The following RSPH14 variants were observed in gnomAD, a reference collection of about 807,000 sequenced individuals.
The protein encoded by RSPH14 is rhabdoid tumor deletion region gene 1.
In RSPH14, 20 loss-of-function variants were observed where a neutral mutation model predicts 26.7. That is an observed-to-expected ratio of 0.75 (90% CI 0.53 to 1.09). The LOEUF is 1.09. Among genes scored for constraint, RSPH14 ranks in the 50% least tolerant of loss-of-function variants. The pLI is 0.00. For synonymous variants in RSPH14, 177 were observed against 189.3 expected, an observed-to-expected ratio of 0.93 and a Z score of 0.53; for missense variants, 449 against 457.2, an observed-to-expected ratio of 0.98 and a Z score of 0.16.
chr22:23,159,961 A>G, the RSPH14 span, among the ~76,000 whole-genome samples: 1 of 152,206 alleles, frequency 6.6e-6, no homozygotes. Context: ...AGGTGTATTT[A>G]CTGAGGAAAA....
At chr22:23,155,652 T>C in the RSPH14 span, among the ~76,000 whole-genome samples, 1 of 152,236 alleles carries the variant, frequency 6.6e-6, no homozygotes, top group Non-Finnish European at 1.5e-5. Context: ...GAGTCATGTC[T>C]TGGGCCGTAT....
chr22:23,098,545 C>A lies in RSPH14; in HGVS notation c.422-34412G>T, dbSNP rs73384372. Among the ~76,000 whole-genome samples, 800 of 152,348 alleles carry A rather than the reference C, an allele frequency of 5.3e-3. 9 individuals carry two copies. The highest frequency in any genetic ancestry group is 0.017 in the African/African-American group (716 of 41,592). On this transcript the variant is annotated intron_variant, in intron 4 of 6. Transcript: ENST00000216036. ...CCTGTGAGGTTCCAGGCATTCAAGG[C>A]ACTTTCTAAAGGGAGGGGCTGGCAG...
At chr22:23,159,099 T>A in the RSPH14 span, 477 of 1,589,530 alleles carry the variant, frequency 3.0e-4, 9 homozygotes, top group East Asian at 7.1e-3. Flanking sequence ...GGCAGCTGCC[T>A]ATCCCCCTGG....
the RSPH14 span, among the ~76,000 whole-genome samples, chr22:23,175,213 T>C: frequency 1.1e-4 from 17 of 152,262 alleles, no homozygotes; most frequent in Non-Finnish European, 1.9e-4. Context: ...TTAGCCAGAA[T>C]GGTCTCGATA....
intron 6 of RSPH14, among the ~76,000 whole-genome samples, chr22:23,060,538 A>G (rs965551114): frequency 6.6e-6 from 1 of 151,710 alleles, no homozygotes; most frequent in African/African-American, 2.4e-5. Flanking sequence ...CCTACTCTGC[A>G]CAAAACACAC....
chr22:23,064,397 CA>C (rs765124166), intron 4 of RSPH14, among the ~76,000 whole-genome samples: 138 of 152,294 alleles, frequency 9.1e-4, no homozygotes, highest in Admixed American at 1.8e-3. Context: ...GCCTGTGTCT[CA>C]GGGGGCATCT....
chr22:23,118,383 C>G (rs967776976), intron 4 of RSPH14, among the ~76,000 whole-genome samples: 1 of 152,256 alleles, frequency 6.6e-6, no homozygotes, highest in South Asian at 2.1e-4. Context: ...TGCTGGTAAG[C>G]AGGCCCTGGA....
chr22:23,146,126 C>T, upstream of RSPH14: 1 of 565,012 alleles, frequency 1.8e-6, no homozygotes, highest in East Asian at 1.5e-4. Flanking sequence ...CCTGGTTCCC[C>T]CATACCATGC....
chr22:23,175,099 C>T, the RSPH14 span, among the ~76,000 whole-genome samples: 2 of 151,416 alleles, frequency 1.3e-5, no homozygotes, highest in African/African-American at 2.4e-5. Flanking sequence ...TGGGTTCACG[C>T]CATTCTCCTG....
At chr22:23,110,473 C>T (rs1601819763) in intron 4 of RSPH14, among the ~76,000 whole-genome samples, 2 of 152,234 alleles carry the variant, frequency 1.3e-5, no homozygotes, top group East Asian at 1.9e-4. Context: ...CCTCCCCTCT[C>T]CCCTGCCCAC....
chr22:23,077,465 T>A lies in RSPH14; in HGVS notation c.422-13332A>T, dbSNP rs576935469. Among the ~76,000 whole-genome samples, 15 of 152,302 alleles carry A rather than the reference T, an allele frequency of 9.8e-5. No homozygotes were observed. The East Asian group carries it at 2.7e-3, about 27-fold the overall frequency. On this transcript the variant is annotated intron_variant, in intron 4 of 6. Transcript: ENST00000216036. ...CTCTACAAGGCCGGGAGCCTCCTCT[T>A]GGATGTACACCTGATGTTGATCTCT...
chr22:23,128,002 G>A (rs185938779), intron 4 of RSPH14, among the ~76,000 whole-genome samples: 2 of 152,246 alleles, frequency 1.3e-5, no homozygotes, highest in African/African-American at 4.8e-5. Flanking sequence ...GTGGAGTCAG[G>A]GTCAGAACAG....
At chr22:23,116,382 G>A (rs987025069) in intron 4 of RSPH14, among the ~76,000 whole-genome samples, 3 of 152,384 alleles carry the variant, frequency 2.0e-5, no homozygotes, top group Non-Finnish European at 4.4e-5. Context: ...ACGTGGCTAC[G>A]CGCCTGTGAC....
chr22:23,162,282 A>T, the RSPH14 span: 4 of 240,204 alleles, frequency 1.7e-5, no homozygotes, highest in Non-Finnish European at 3.3e-5. Flanking sequence ...GGATGTGCAG[A>T]ACAACCACTC....
intron 4 of RSPH14, among the ~76,000 whole-genome samples, chr22:23,120,024 G>A (rs1348077492): frequency 6.6e-6 from 1 of 152,206 alleles, no homozygotes; most frequent in Non-Finnish European, 1.5e-5. Flanking sequence ...GCTGAGGGAA[G>A]GGCCCACACT....
chr22:23,103,803 C>G (rs2069375706), intron 4 of RSPH14, among the ~76,000 whole-genome samples: 1 of 152,208 alleles, frequency 6.6e-6, no homozygotes, highest in Admixed American at 6.5e-5. Context: ...CCCTTCCTCC[C>G]TCAGGTCAGC....
At chr22:23,111,859 C>A (rs539245047) in intron 4 of RSPH14, among the ~76,000 whole-genome samples, 96 of 152,170 alleles carry the variant, frequency 6.3e-4, no homozygotes, top group Non-Finnish European at 1.1e-3. Context: ...TGGCAGTGGG[C>A]AGTGGGCTGT....
At chr22:23,109,915 C>T (rs2069598572) in intron 4 of RSPH14, among the ~76,000 whole-genome samples, 1 of 152,352 alleles carries the variant, frequency 6.6e-6, no homozygotes, top group East Asian at 1.9e-4. Flanking sequence ...GCACCATGTG[C>T]CCTGTGCTGT....
chr22:23,125,211 A>G (rs1445353241), intron 4 of RSPH14, among the ~76,000 whole-genome samples: 1 of 152,092 alleles, frequency 6.6e-6, no homozygotes, highest in Admixed American at 6.5e-5. Context: ...AAACATCACG[A>G]GAGGAAAGAA....
Sources: allele counts gnomAD v4.1 joint callset (sites outside exome capture counted in the v4.1 genomes callset), GRCh38; gene constraint gnomAD v4.1.1; transcripts MANE v1.5; gene names NCBI Gene and HGNC (gene_info 2026-07-23, HGNC 2026-07-21).